Variants in MKLN1 observed in about 807,000 individuals in gnomAD.
The protein encoded by MKLN1 is muskelin 1.
In MKLN1, 18 loss-of-function variants were observed where a neutral mutation model predicts 99.0. The observed-to-expected ratio is 0.18, with a 90% confidence interval of 0.13 to 0.27. MKLN1 has a LOEUF of 0.27. MKLN1 is among the 10% of genes least tolerant of loss of function. The pLI is 1.00. For synonymous variants in MKLN1, 288 were observed against 293.2 expected, an observed-to-expected ratio of 0.98 and a Z score of 0.18; for missense variants, 621 against 875.9, an observed-to-expected ratio of 0.71 and a Z score of 3.67.
At chr7:131,188,125 G>A (rs326231) in intron 2 of MKLN1, among the ~76,000 whole-genome samples, 15,726 of 152,152 alleles carry the variant, frequency 0.1, 1,536 homozygotes, top group African/African-American at 0.26. Context: ...ATTAAGGAGA[G>A]AGAAGATTGC....
At chr7:131,146,576 G>A (rs2116273778) in intron 2 of MKLN1, among the ~76,000 whole-genome samples, 1 of 152,266 alleles carries the variant, frequency 6.6e-6, no homozygotes, top group South Asian at 2.1e-4. Flanking sequence ...ATAGGACTTG[G>A]CACACAGTAG....
At chr7:131,286,936 T>G (rs1014846778) in intron 3 of MKLN1, among the ~76,000 whole-genome samples, 2 of 152,086 alleles carry the variant, frequency 1.3e-5, no homozygotes, top group Non-Finnish European at 2.9e-5. Flanking sequence ...CAAGGCCCCA[T>G]ATATACTTTT....
chr7:131,330,761 CT>C (rs1424727558), intron 1 of MKLN1, among the ~76,000 whole-genome samples: 1 of 152,076 alleles, frequency 6.6e-6, no homozygotes. Context: ...TTTCTAAGGA[CT>C]TAGAATTCTT....
intron 1 of MKLN1, among the ~76,000 whole-genome samples, chr7:131,124,556 C>T (rs73726303): frequency 0.082 from 12,427 of 152,210 alleles, 601 homozygotes; most frequent in Admixed American, 0.16. Context: ...ATCGGCCCCA[C>T]CATTGTGCTT....
chr7:131,331,888 A>T (rs1554553004), intron 1 of MKLN1, among the ~76,000 whole-genome samples: 1 of 152,220 alleles, frequency 6.6e-6, no homozygotes, highest in Non-Finnish European at 1.5e-5. Context: ...TTGGTATAGA[A>T]TGATTCTTAT....
chr7:131,332,209 G>A (rs550647450), intron 1 of MKLN1, among the ~76,000 whole-genome samples: 1 of 151,314 alleles, frequency 6.6e-6, no homozygotes, highest in Non-Finnish European at 1.5e-5. Context: ...GCTGAGGCAG[G>A]ACCATCACTT....
chr7:131,194,872 C>A (rs1052742802), intron 2 of MKLN1, among the ~76,000 whole-genome samples: 1 of 152,128 alleles, frequency 6.6e-6, no homozygotes, highest in Non-Finnish European at 1.5e-5. Flanking sequence ...ATGTTAATAT[C>A]GCATTCAGGT....
intron 12 of MKLN1, among the ~76,000 whole-genome samples, chr7:131,453,332 A>G (rs1796240811): frequency 6.6e-6 from 1 of 152,238 alleles, no homozygotes; most frequent in Non-Finnish European, 1.5e-5. Context: ...ATGGGATGAA[A>G]TAGAGCAGAT....
intron 1 of MKLN1, among the ~76,000 whole-genome samples, chr7:131,114,865 G>T (rs1469083636): frequency 2.0e-5 from 3 of 152,002 alleles, no homozygotes; most frequent in Non-Finnish European, 4.4e-5. Context: ...GAACCCAGGA[G>T]GCAGAGGTTG....
intron 12 of MKLN1, among the ~76,000 whole-genome samples, chr7:131,458,264 G>A (rs1458928367): frequency 6.6e-6 from 1 of 152,160 alleles, no homozygotes; most frequent in African/African-American, 2.4e-5. Context: ...GAGATGTGAG[G>A]GTGACATAAA....
chr7:131,253,682 T>C (rs572071325), intron 3 of MKLN1, among the ~76,000 whole-genome samples: 1 of 152,196 alleles, frequency 6.6e-6, no homozygotes, highest in East Asian at 1.9e-4. Flanking sequence ...GTCTCAGAGA[T>C]TCTGTCCAAG....
At position 131,470,599 on chromosome 7, in the gene MKLN1, A is replaced by C. The variant is rs557762715; in HGVS notation, c.1929-243A>C. On this transcript the variant is annotated intron_variant, in intron 15 of 17. Transcript: ENST00000352689. ...TTAAGAGAAGATAGGAAATGCTCCT[A>C]CCCAGTCTCTAGCACCACAGCTGCC... 2.0e-5 allele frequency among the ~76,000 whole-genome samples: 3 copies of C among 152,302 alleles called. No homozygotes were observed. The South Asian group carries it at 6.2e-4, about 32-fold the overall frequency.
At chr7:131,247,235 C>CTTTTTTCTT (rs1554542028) in intron 3 of MKLN1, among the ~76,000 whole-genome samples, 9 of 141,146 alleles carry the variant, frequency 6.4e-5, no homozygotes, top group Non-Finnish European at 1.1e-4. Flanking sequence ...TTTCTTTTTT[C>CTTTTTTCTT]TTTTTTTTTT....
intron 12 of MKLN1, among the ~76,000 whole-genome samples, chr7:131,461,736 C>T (rs1034068431): frequency 1.3e-5 from 2 of 152,052 alleles, no homozygotes; most frequent in East Asian, 1.9e-4. Flanking sequence ...GATAATTGTT[C>T]ATGGGTAAAA....
chr7:131,188,346 C>T (rs572290095), intron 2 of MKLN1, among the ~76,000 whole-genome samples: 42 of 152,290 alleles, frequency 2.8e-4, no homozygotes, highest in Non-Finnish European at 4.9e-4. Context: ...TACTATTTCT[C>T]GAGTCTGTGA....
intron 15 of MKLN1, among the ~76,000 whole-genome samples, chr7:131,469,219 T>C (rs935528472): frequency 2.6e-5 from 4 of 152,114 alleles, no homozygotes; most frequent in African/African-American, 9.7e-5. Flanking sequence ...GATGGATGGA[T>C]GGATGGCCGG....
intron 17 of MKLN1, among the ~76,000 whole-genome samples, chr7:131,486,373 T>C (rs1797278257): frequency 1.3e-5 from 2 of 152,096 alleles, no homozygotes; most frequent in Non-Finnish European, 2.9e-5. Flanking sequence ...TAGTGGGCTT[T>C]GTTAAACTCA....
At chr7:131,292,259 G>A (rs745522752) in intron 3 of MKLN1, among the ~76,000 whole-genome samples, 1 of 152,120 alleles carries the variant, frequency 6.6e-6, no homozygotes, top group African/African-American at 2.4e-5. Flanking sequence ...TTAAAAAGTT[G>A]GGGAAGGGAA....
At chr7:131,159,125 G>A (rs1397300362) in intron 2 of MKLN1, among the ~76,000 whole-genome samples, 1 of 152,122 alleles carries the variant, frequency 6.6e-6, no homozygotes, top group African/African-American at 2.4e-5. Flanking sequence ...GCCCGGAGGT[G>A]GAGGTTGCAG....
Sources: gnomAD v4.1 joint callset for allele counts (sites outside exome capture counted in the v4.1 genomes callset) on GRCh38, gnomAD v4.1.1 for gene constraint, MANE v1.5 for transcripts, NCBI Gene and HGNC (gene_info 2026-07-23, HGNC 2026-07-21) for gene names.